Variants in THUMPD1 observed in about 807,000 individuals in gnomAD.
THUMPD1 encodes the protein THUMP domain-containing protein 1.
THUMPD1 carries 31 observed loss-of-function variants against 31.6 expected under a neutral mutation model. The observed-to-expected ratio is 0.98, with a 90% confidence interval of 0.74 to 1.32. THUMPD1 has a LOEUF of 1.32. THUMPD1 is among the 40% of genes most tolerant of loss of function. The probability of loss-of-function intolerance (pLI) is 0.00; values close to 1 mark genes in which losing one functional copy is unlikely to be tolerated. For synonymous variants in THUMPD1, 166 were observed against 158.2 expected, an observed-to-expected ratio of 1.05 and a Z score of -0.37; for missense variants, 446 against 427.8, an observed-to-expected ratio of 1.04 and a Z score of -0.38.
In THUMPD1 at chr16:20,741,780, T is replaced by G. The variant is rs757178510; in HGVS notation, c.-41A>C. On this transcript the variant is annotated 5_prime_UTR_variant, in exon 1 of 4. Transcript: ENST00000396083. ...AGAGGAAAGAGAAACGTTTCTCCGC[T>G]GCTGTTGGCGTCCTCGTCTATCGCC... 82 of 1,549,622 alleles carry G rather than the reference T, an allele frequency of 5.3e-5. No homozygotes were observed. In the Middle Eastern group the frequency reaches 8.3e-4, roughly 16 times the overall value.
intron 1 of THUMPD1, among the ~76,000 whole-genome samples, chr16:20,740,163 T>C (rs2079904565): frequency 6.6e-6 from 1 of 152,076 alleles, no homozygotes; most frequent in African/African-American, 2.4e-5. Flanking sequence ...GGGGCAGAGG[T>C]GGGCGGATCC....
At chr16:20,739,756 T>C (rs1472646892) in intron 1 of THUMPD1, among the ~76,000 whole-genome samples, 1 of 150,320 alleles carries the variant, frequency 6.7e-6, no homozygotes, top group Non-Finnish European at 1.5e-5. Flanking sequence ...AGAAGGCAGA[T>C]ATTGCAGTGA....
At position 20,740,796 on chromosome 16, in the gene THUMPD1, T is replaced by A. The variant is rs77514719; in HGVS notation, c.231+713A>T. Among the ~76,000 whole-genome samples, 15 of 152,366 alleles carry A rather than the reference T, an allele frequency of 9.8e-5. 1 individual carries two copies. In the East Asian group the frequency reaches 1.7e-3, roughly 18 times the overall value. On this transcript the variant is annotated intron_variant, in intron 1 of 3. Coordinates refer to ENST00000396083, the MANE Select transcript of THUMPD1 (RefSeq NM_017736.5). ...TTTAGGTGATATTGGTAAAAGTTTT[T>A]ACGTTCTAAAATGTATTTTAAGTGC...
intron 2 of THUMPD1, chr16:20,738,621 C>A: frequency 2.5e-6 from 1 of 394,406 alleles, no homozygotes; most frequent in Non-Finnish European, 4.6e-6. Context: ...AGCTGAGTAG[C>A]AGCTGCCCCT....
intron 1 of THUMPD1, 42 bp downstream of exon 1, chr16:20,741,467 A>G: frequency 1.4e-6 from 2 of 1,470,574 alleles, no homozygotes; most frequent in Non-Finnish European, 1.8e-6. Flanking sequence ...TCCTCCCGCA[A>G]GGCCTGGCAG....
At position 20,736,687 on chromosome 16, in the gene THUMPD1, G is replaced by A. The variant is rs984225291; in HGVS notation, c.*193C>T. On this transcript the variant is annotated 3_prime_UTR_variant, in exon 4 of 4. Coordinates refer to ENST00000396083, the MANE Select transcript of THUMPD1 (RefSeq NM_017736.5). Reference sequence around the variant, plus strand: ...CAGCAGCACATGGGTCTGCCTCTACGTAATACCATAAAGGCTGAAAGATCC... The same window carrying A: ...CAGCAGCACATGGGTCTGCCTCTACATAATACCATAAAGGCTGAAAGATCC... 9.8e-6 allele frequency: 6 copies of A among 609,252 alleles called. No homozygotes were observed. The highest frequency in any genetic ancestry group is 3.7e-5 in the African/African-American group (2 of 54,098). The allele number at this position is 609,252 out of a possible 1,614,324, so 37.7% of individuals were successfully genotyped here.
rs778705333 is a variant in THUMPD1 at position 20,739,018 on chromosome 16, C to T, written c.285G>A (p.Ala95=). Residue 95 remains alanine, a synonymous_variant, in exon 2 of 4, where the codon GCG becomes GCA. Transcript: ENST00000396083. The part of the protein sequence containing the change: ...PSGSEGEDDD[A]EAALKKEVGD... ...CAACTTCTTTCTTCAAGGCAGCCTC[C>T]GCATCATCATCCTCTCCCTCACTTC... The T allele has an allele frequency of 8.1e-6, 13 of 1,614,058 alleles. No individual in the cohort carries two copies. The highest frequency in any genetic ancestry group is 1.6e-4 in the Middle Eastern group (1 of 6,084).
chr16:20,741,780 T>C lies in THUMPD1; in HGVS notation c.-41A>G, dbSNP rs757178510. The C allele has an allele frequency of 5.8e-6, 9 of 1,549,622 alleles. No individual in the cohort carries two copies. The highest frequency in any genetic ancestry group is 7.8e-6 in the Non-Finnish European group (9 of 1,147,288). ...AGAGGAAAGAGAAACGTTTCTCCGC[T>C]GCTGTTGGCGTCCTCGTCTATCGCC... On this transcript the variant is annotated 5_prime_UTR_variant, in exon 1 of 4. Coordinates refer to ENST00000396083, the MANE Select transcript of THUMPD1 (RefSeq NM_017736.5).
intron 3 of THUMPD1, 122 bp from the exon 4 acceptor site, chr16:20,737,408 G>A: frequency 1.0e-6 from 1 of 998,906 alleles, no homozygotes; most frequent in Non-Finnish European, 1.4e-6. Flanking sequence ...TCTTCTATGT[G>A]GACTTCAAAT....
intron 2 of THUMPD1, 174 bp from the exon 3 acceptor site, chr16:20,738,130 G>A (rs961540978): frequency 7.0e-6 from 5 of 717,744 alleles, no homozygotes; most frequent in Admixed American, 4.1e-5. Flanking sequence ...TGCCTAATAC[G>A]TACTATAATG....
At chr16:20,739,944 C>A (rs910540177) in intron 1 of THUMPD1, among the ~76,000 whole-genome samples, 1 of 152,190 alleles carries the variant, frequency 6.6e-6, no homozygotes, top group Non-Finnish European at 1.5e-5. Context: ...AACGTGCTGA[C>A]CAGATCAATC....
rs1262586456 is a variant in THUMPD1 at position 20,734,789 on chromosome 16, G to A, written c.*2091C>T. 2.0e-5 allele frequency: 3 copies of A among 152,190 alleles called. No homozygotes were observed. The highest frequency in any genetic ancestry group is 4.4e-5 in the Non-Finnish European group (3 of 68,028). 9.4% of individuals were successfully genotyped at this position (152,190 alleles called of 1,614,324 possible). A position where few individuals can be genotyped will look rare whatever the true frequency, so the allele number is the denominator to read the frequency against. On this transcript the variant is annotated 3_prime_UTR_variant, in exon 4 of 4. Coordinates refer to ENST00000396083, the MANE Select transcript of THUMPD1 (RefSeq NM_017736.5). ...GAGAACCCTCATGGTATGTGAGTGT[G>A]AGCACTAAGTTGAAGAATACTCTTA...
rs1009668842 is a variant in THUMPD1 at position 20,733,863 on chromosome 16, A to G, written c.*3017T>C. 1 of 152,128 alleles carries G rather than the reference A, an allele frequency of 6.6e-6. No individual in the cohort carries two copies. The highest frequency in any genetic ancestry group is 1.5e-5 in the Non-Finnish European group (1 of 67,978). 9.4% of individuals were successfully genotyped at this position (152,128 alleles called of 1,614,324 possible). ...TGGAGCTAAACAAGTTTTCTAAACCATAAGACTGCAGTTTTTTTATTTTTT... is the reference window on the plus strand; with the variant it reads ...TGGAGCTAAACAAGTTTTCTAAACCGTAAGACTGCAGTTTTTTTATTTTTT... On this transcript the variant is annotated 3_prime_UTR_variant, in exon 4 of 4. Transcript: ENST00000396083.
chr16:20,740,372 CCTTGGGTGACAGAG>C (rs2079906308), intron 1 of THUMPD1, among the ~76,000 whole-genome samples: 1 of 152,154 alleles, frequency 6.6e-6, no homozygotes, highest in Non-Finnish European at 1.5e-5. Context: ...CCAACCTCCA[CCTTGGGTGACAGAG>C]CAAGACCGCT....
chr16:20,741,391 A>T, intron 1 of THUMPD1, 118 bp downstream of exon 1: 1 of 1,283,138 alleles, frequency 7.8e-7, no homozygotes, highest in Non-Finnish European at 1.0e-6. Flanking sequence ...CCACGCCCCT[A>T]CAGCCGTCAC....
intron 2 of THUMPD1, chr16:20,738,250 A>T (rs1336283584): frequency 2.0e-6 from 1 of 489,460 alleles, no homozygotes. Context: ...ATCCAACCGT[A>T]ACACCATGCT....
intron 3 of THUMPD1, 119 bp from the exon 4 acceptor site, chr16:20,737,405 T>A (rs530637764): frequency 9.9e-7 from 1 of 1,008,608 alleles, no homozygotes; most frequent in Non-Finnish European, 1.4e-6. Flanking sequence ...CACTCTTCTA[T>A]GTGGACTTCA....
chr16:20,738,915 T>A lies in THUMPD1; in HGVS notation c.388A>T (p.Ile130Phe). 1 of 1,614,224 alleles carries A rather than the reference T, an allele frequency of 6.2e-7. No homozygotes were observed. The highest frequency in any genetic ancestry group is 8.5e-7 in the Non-Finnish European group (1 of 1,180,038). The change falls in exon 2 of 4, where the codon ATC becomes TTC. Residue 130 changes from isoleucine to phenylalanine, a missense_variant. Ile to Phe is a conservative substitution (Grantham distance 21). Coordinates refer to ENST00000396083, the MANE Select transcript of THUMPD1 (RefSeq NM_017736.5). ...VESGANNVVF[I>F]RTLGIEPEKL... The stretch of plus-strand genomic sequence containing the variant: ...GTCACACCTATCCCAAGTGTCCTGA[T>A]GAAGACAACGTTATTTGCTCCACTT...
At chr16:20,741,481 G>GGGGGGGGGGCGCCCCCCCCCC in intron 1 of THUMPD1, 28 bp downstream of exon 1, 2 of 1,308,412 alleles carry the variant, frequency 1.5e-6, no homozygotes, top group Non-Finnish European at 2.0e-6. Context: ...CTGGCAGCCG[G>GGGGGGGGGGCGCCCCCCCCCC]CCCGCCCGCC....
Sources: gnomAD v4.1 joint callset for allele counts (sites outside exome capture counted in the v4.1 genomes callset) on GRCh38, gnomAD v4.1.1 for gene constraint, MANE v1.5 for transcripts, NCBI Gene and HGNC (gene_info 2026-07-23, HGNC 2026-07-21) for gene names.